The following NDUFS4 variants were observed in gnomAD, a reference collection of about 807,000 sequenced individuals.
The protein encoded by NDUFS4 is NADH:ubiquinone oxidoreductase subunit S4, also known as NADH dehydrogenase [ubiquinone] iron-sulfur protein 4, mitochondrial.
In NDUFS4, 28 loss-of-function variants were observed where a neutral mutation model predicts 24.3. The ratio of observed to expected loss-of-function variants is 1.15; its 90% CI spans 0.85 to 1.58. The LOEUF (loss-of-function observed/expected upper bound fraction) is 1.58. NDUFS4 is among the 40% of genes most tolerant of loss of function. The pLI, the probability that NDUFS4 is intolerant of heterozygous loss-of-function variation, is 0.00. For synonymous variants in NDUFS4, 93 were observed against 69.7 expected (o/e 1.34, Z -1.67); for missense variants, 223 against 207.9 (o/e 1.07, Z -0.45).
chr5:53,599,979 A>T (rs929519836), intron 1 of NDUFS4, among the ~76,000 whole-genome samples: 1 of 151,882 alleles, frequency 6.6e-6, no homozygotes, highest in African/African-American at 2.4e-5. Context: ...TTGTAGGTAT[A>T]ATTTTTATTT....
At chr5:53,567,518 T>C (rs1382905495) in intron 1 of NDUFS4, among the ~76,000 whole-genome samples, 17 of 152,206 alleles carry the variant, frequency 1.1e-4, no homozygotes, top group Non-Finnish European at 2.2e-4. Context: ...CTTATTATAC[T>C]TTTTTACGCT....
At chr5:53,660,500 T>G (rs888992042) in intron 4 of NDUFS4, among the ~76,000 whole-genome samples, 3 of 152,174 alleles carry the variant, frequency 2.0e-5, no homozygotes, top group African/African-American at 7.2e-5. Flanking sequence ...TTTATAATCC[T>G]TTGGGTATAT....
At chr5:53,560,885 A>G in intron 1 of NDUFS4, 125 bp downstream of exon 1, 8 of 1,548,324 alleles carry the variant, frequency 5.2e-6, no homozygotes, top group Non-Finnish European at 6.9e-6. Context: ...TTCTCGGGAG[A>G]AGTCGGGCGG....
At chr5:53,643,303 G>T (rs144683677) in intron 2 of NDUFS4, among the ~76,000 whole-genome samples, 1 of 152,158 alleles carries the variant, frequency 6.6e-6, no homozygotes, top group African/African-American at 2.4e-5. Context: ...AGCATTTCTA[G>T]CTTTTCTAAA....
At chr5:53,632,378 G>A (rs754312594) in intron 2 of NDUFS4, among the ~76,000 whole-genome samples, 2 of 152,088 alleles carry the variant, frequency 1.3e-5, no homozygotes, top group African/African-American at 2.4e-5. Context: ...TACCTTTCTT[G>A]TGTCTCAATT....
chr5:53,673,361 G>GATA (rs1193125423), intron 4 of NDUFS4, among the ~76,000 whole-genome samples: 1 of 152,086 alleles, frequency 6.6e-6, no homozygotes, highest in Non-Finnish European at 1.5e-5. Flanking sequence ...GAATCTCAGA[G>GATA]ATAATTCTAG....
At chr5:53,600,257 C>T (rs889545455) in intron 1 of NDUFS4, among the ~76,000 whole-genome samples, 12 of 151,812 alleles carry the variant, frequency 7.9e-5, no homozygotes, top group African/African-American at 2.9e-4. Flanking sequence ...CCTCGGCCTC[C>T]CAAAGTGCTG....
Position 53,590,310 on chromosome 5 carries a change from T to C in NDUFS4, c.99-13142T>C, listed in dbSNP as rs149982480. On this transcript the variant is annotated intron_variant, in intron 1 of 4. Transcript: ENST00000296684. ...AGCATATTTAAGATTTGCTCTTATG[T>C]GCTTGCTTATAACATAAATCTATTA... 9.2e-3 allele frequency among the ~76,000 whole-genome samples: 1,401 copies of C among 152,348 alleles called. 17 individuals carry two copies. The highest frequency in any genetic ancestry group is 0.032 in the African/African-American group (1,327 of 41,578).
At chr5:53,595,539 T>C (rs1488505086) in intron 1 of NDUFS4, among the ~76,000 whole-genome samples, 6 of 152,224 alleles carry the variant, frequency 3.9e-5, no homozygotes, top group South Asian at 2.1e-4. Flanking sequence ...CATCTTTATT[T>C]CTTATTCTTC....
At chr5:53,570,976 G>A (rs1018825769) in intron 1 of NDUFS4, among the ~76,000 whole-genome samples, 75 of 152,100 alleles carry the variant, frequency 4.9e-4, no homozygotes, top group African/African-American at 1.7e-3. Context: ...GAGCCACGGC[G>A]CCCGGCTGTG....
chr5:53,624,170 A>C (rs913394692), intron 2 of NDUFS4, among the ~76,000 whole-genome samples: 26 of 152,266 alleles, frequency 1.7e-4, no homozygotes, highest in African/African-American at 5.3e-4. Flanking sequence ...AATTGGCTAT[A>C]TATGCAAGGG....
chr5:53,649,429 C>G (rs1751957066), intron 3 of NDUFS4, among the ~76,000 whole-genome samples: 1 of 152,128 alleles, frequency 6.6e-6, no homozygotes, highest in Non-Finnish European at 1.5e-5. Context: ...ACCCATTGTT[C>G]AGCTTTCACA....
At chr5:53,609,566 G>A (rs1750634866) in intron 2 of NDUFS4, among the ~76,000 whole-genome samples, 1 of 152,092 alleles carries the variant, frequency 6.6e-6, no homozygotes. Context: ...AGTGAGCACC[G>A]GAATTGCATT....
At chr5:53,670,292 C>G (rs1242138618) in intron 4 of NDUFS4, among the ~76,000 whole-genome samples, 1 of 102,368 alleles carries the variant, frequency 9.8e-6, no homozygotes, top group African/African-American at 3.7e-5. Flanking sequence ...GCTAGTAGAT[C>G]TTAAAAAATA....
chr5:53,600,469 C>T (rs140315349), intron 1 of NDUFS4, among the ~76,000 whole-genome samples: 2 of 152,150 alleles, frequency 1.3e-5, no homozygotes, highest in African/African-American at 4.8e-5. Context: ...CCACCAAGCC[C>T]AGCTAATTTT....
At chr5:53,592,531 T>A (rs1750005837) in intron 1 of NDUFS4, among the ~76,000 whole-genome samples, 1 of 152,212 alleles carries the variant, frequency 6.6e-6, no homozygotes, top group African/African-American at 2.4e-5. Flanking sequence ...TTTTGCTTCC[T>A]ACATTTAGGT....
At chr5:53,666,612 A>G in intron 4 of NDUFS4, among the ~76,000 whole-genome samples, 1 of 152,198 alleles carries the variant, frequency 6.6e-6, no homozygotes, top group Admixed American at 6.6e-5. Flanking sequence ...ATGGACACTC[A>G]GTATCTGGTG....
chr5:53,634,992 C>T (rs1207041100), intron 2 of NDUFS4, among the ~76,000 whole-genome samples: 2 of 151,822 alleles, frequency 1.3e-5, no homozygotes, highest in African/African-American at 4.9e-5. Context: ...GCGTTCGAGA[C>T]CAGCCTGGCC....
At chr5:53,599,821 A>G (rs1451406866) in intron 1 of NDUFS4, among the ~76,000 whole-genome samples, 1 of 151,834 alleles carries the variant, frequency 6.6e-6, no homozygotes, top group Non-Finnish European at 1.5e-5. Flanking sequence ...TAGGCTTTAT[A>G]TCTTTTTTTC....
Sources: gnomAD v4.1 joint callset for allele counts (sites outside exome capture counted in the v4.1 genomes callset) on GRCh38, gnomAD v4.1.1 for gene constraint, MANE v1.5 for transcripts, NCBI Gene and HGNC (gene_info 2026-07-23, HGNC 2026-07-21) for gene names.